ITGA9: variants seen among roughly 807,000 people sequenced by gnomAD.
The protein encoded by ITGA9 is integrin alpha-9.
In ITGA9, 56 loss-of-function variants were observed where a neutral mutation model predicts 127.8. That is an observed-to-expected ratio of 0.44 (90% CI 0.35 to 0.55). The LOEUF is 0.55. Among genes scored for constraint, ITGA9 ranks in the 20% least tolerant of loss-of-function variants. The pLI is 0.00. For synonymous variants in ITGA9, 508 were observed against 514.5 expected, an observed-to-expected ratio of 0.99 and a Z score of 0.17; for missense variants, 1,196 against 1,347.1, an observed-to-expected ratio of 0.89 and a Z score of 1.76.
At chr3:37,472,058 A>G (rs1056107768) in intron 2 of ITGA9, among the ~76,000 whole-genome samples, 37 of 152,158 alleles carry the variant, frequency 2.4e-4, no homozygotes, top group African/African-American at 8.5e-4. Flanking sequence ...CTTGTCTCCA[A>G]AAAGATAAAA....
chr3:37,481,421 G>A (rs1268143292), intron 3 of ITGA9, 63 bp from the exon 4 acceptor site: 1 of 1,605,174 alleles, frequency 6.2e-7, no homozygotes, highest in African/African-American at 1.3e-5. Context: ...GCACTGACAG[G>A]AGTCTGCTTT....
intron 15 of ITGA9, among the ~76,000 whole-genome samples, chr3:37,588,464 A>G: frequency 6.6e-6 from 1 of 152,144 alleles, no homozygotes; most frequent in Non-Finnish European, 1.5e-5. Context: ...ACACTCACTC[A>G]TGGTGCACTT....
At chr3:37,483,325 ATTAAG>A (rs1698576164) in intron 4 of ITGA9, among the ~76,000 whole-genome samples, 1 of 152,180 alleles carries the variant, frequency 6.6e-6, no homozygotes, top group Non-Finnish European at 1.5e-5. Flanking sequence ...ATTACTTTCT[ATTAAG>A]TAGCTGTGGA....
chr3:37,730,136 G>A (rs1696269654), intron 18 of ITGA9, among the ~76,000 whole-genome samples: 1 of 152,138 alleles, frequency 6.6e-6, no homozygotes, highest in Admixed American at 6.5e-5. Context: ...TGTAATATAT[G>A]TATATGTGTA....
intron 18 of ITGA9, among the ~76,000 whole-genome samples, chr3:37,719,990 G>A (rs971645991): frequency 2.6e-5 from 4 of 152,208 alleles, no homozygotes; most frequent in Admixed American, 6.5e-5. Flanking sequence ...TCTTCGTGGG[G>A]TGAATATCAT....
In ITGA9 at chr3:37,819,070, C is replaced by A; in HGVS notation, c.*81C>A. ...TCTTCCATATTTGGAAGAAAAAAAT[C>A]TTCTCCAGATTTTTCGGAGGCCCCA... On this transcript the variant is annotated 3_prime_UTR_variant, in exon 28 of 28. Coordinates refer to ENST00000264741, the MANE Select transcript of ITGA9 (RefSeq NM_002207.3). The A allele has an allele frequency of 1.8e-6, 2 of 1,121,970 alleles. No individual in the cohort carries two copies. The highest frequency in any genetic ancestry group is 1.3e-5 in the South Asian group (1 of 78,528). The allele number at this position is 1,121,970 out of a possible 1,614,324, so 69.5% of individuals were successfully genotyped here.
chr3:37,626,475 C>T (rs1700176782), intron 15 of ITGA9, among the ~76,000 whole-genome samples: 1 of 151,996 alleles, frequency 6.6e-6, no homozygotes, highest in Non-Finnish European at 1.5e-5. Context: ...CCTTGGGCAA[C>T]ATAGTGAGAC....
chr3:37,460,935 T>G (rs957355858), intron 1 of ITGA9, among the ~76,000 whole-genome samples: 1 of 151,980 alleles, frequency 6.6e-6, no homozygotes, highest in African/African-American at 2.4e-5. Flanking sequence ...GGAACAAATT[T>G]CCTCCATCTT....
At chr3:37,469,915 C>T (rs1011304677) in intron 1 of ITGA9, among the ~76,000 whole-genome samples, 2 of 152,134 alleles carry the variant, frequency 1.3e-5, no homozygotes, top group African/African-American at 2.4e-5. Flanking sequence ...CCTGCCTCAG[C>T]CTCTCAAGCA....
At chr3:37,724,386 G>C (rs953066984) in intron 18 of ITGA9, among the ~76,000 whole-genome samples, 1 of 152,176 alleles carries the variant, frequency 6.6e-6, no homozygotes, top group African/African-American at 2.4e-5. Context: ...CCTGCTATGA[G>C]CTCTTGGAAC....
intron 7 of ITGA9, among the ~76,000 whole-genome samples, chr3:37,506,382 C>A (rs1334788580): frequency 2.0e-5 from 3 of 152,170 alleles, no homozygotes; most frequent in South Asian, 2.1e-4. Context: ...TTATGGTGTC[C>A]TTCAAAAGAA....
intron 18 of ITGA9, among the ~76,000 whole-genome samples, chr3:37,706,164 TC>T (rs1559573626): frequency 6.6e-6 from 1 of 152,130 alleles, no homozygotes; most frequent in African/African-American, 2.4e-5. Context: ...TCCATCTCCT[TC>T]CCCCTGCACA....
intron 17 of ITGA9, among the ~76,000 whole-genome samples, chr3:37,669,252 C>G (rs557757908): frequency 1.3e-5 from 2 of 152,344 alleles, no homozygotes; most frequent in African/African-American, 4.8e-5. Flanking sequence ...GTCCTTTGGT[C>G]TGGAAAGTCA....
At chr3:37,568,305 AC>A (rs926802184) in intron 15 of ITGA9, among the ~76,000 whole-genome samples, 3 of 151,814 alleles carry the variant, frequency 2.0e-5, no homozygotes, top group African/African-American at 7.3e-5. Flanking sequence ...GAGCAGGGGG[AC>A]CCCAGGCCTG....
At chr3:37,620,256 G>A (rs1180062281) in intron 15 of ITGA9, among the ~76,000 whole-genome samples, 1 of 152,104 alleles carries the variant, frequency 6.6e-6, no homozygotes, top group Non-Finnish European at 1.5e-5. Flanking sequence ...GTCACCCAAG[G>A]GCAGTTCTCC....
At chr3:37,519,830 A>G (rs186233425) in intron 11 of ITGA9, among the ~76,000 whole-genome samples, 2 of 152,342 alleles carry the variant, frequency 1.3e-5, no homozygotes, top group East Asian at 1.9e-4. Flanking sequence ...ACTTGGGAAC[A>G]TGGAAGTGGT....
At chr3:37,616,054 G>A (rs1334864027) in intron 15 of ITGA9, among the ~76,000 whole-genome samples, 1 of 152,170 alleles carries the variant, frequency 6.6e-6, no homozygotes, top group Non-Finnish European at 1.5e-5. Context: ...TAATTGTGAT[G>A]TTAGGTTGTC....
chr3:37,741,604 G>A, intron 20 of ITGA9, 126 bp from the exon 21 acceptor site: 1 of 751,746 alleles, frequency 1.3e-6, no homozygotes, highest in South Asian at 1.5e-5. Flanking sequence ...AAAACAGACT[G>A]AAGGCAATGA....
intron 14 of ITGA9, among the ~76,000 whole-genome samples, chr3:37,540,519 G>C (rs1699255203): frequency 6.6e-6 from 1 of 152,226 alleles, no homozygotes; most frequent in Non-Finnish European, 1.5e-5. Flanking sequence ...TTTTGGTCAA[G>C]TAATGTACAA....
Sources: allele counts gnomAD v4.1 joint callset (sites outside exome capture counted in the v4.1 genomes callset), GRCh38; gene constraint gnomAD v4.1.1; transcripts MANE v1.5; gene names NCBI Gene and HGNC (gene_info 2026-07-23, HGNC 2026-07-21).